SDK1: variants seen among roughly 807,000 people sequenced by gnomAD.
The protein encoded by SDK1 is protein sidekick-1.
A neutral mutation model predicts 245.5 loss-of-function variants in SDK1; 157 were observed. The observed-to-expected ratio is 0.64, with a 90% CI of 0.56 to 0.73. The LOEUF is 0.73. SDK1 is among the 30% of genes least tolerant of loss of function. The pLI is 0.00. For missense variants in SDK1, 3,583 were observed against 3,002.3 expected (o/e 1.19, Z -4.52); for synonymous variants, 1,647 against 1,278.5 (o/e 1.29, Z -6.15).
chr7:3,385,239 G>C (rs1781581300), intron 1 of SDK1, among the ~76,000 whole-genome samples: 1 of 152,018 alleles, frequency 6.6e-6, no homozygotes, highest in African/African-American at 2.4e-5. Context: ...TAAGACTGTT[G>C]AAATATCTAT....
intron 5 of SDK1, among the ~76,000 whole-genome samples, chr7:3,861,925 C>T (rs1051860796): frequency 4.6e-5 from 7 of 152,104 alleles, no homozygotes; most frequent in African/African-American, 1.4e-4. Context: ...TGTGGCACTC[C>T]GGAGCTCCTA....
intron 3 of SDK1, among the ~76,000 whole-genome samples, chr7:3,640,525 A>T (rs1425473065): frequency 1.3e-5 from 2 of 152,234 alleles, no homozygotes; most frequent in Non-Finnish European, 1.5e-5. Context: ...GAGAACTTTT[A>T]TTCAATTGAA....
chr7:3,937,172 G>A (rs1583588970), intron 5 of SDK1, among the ~76,000 whole-genome samples: 1 of 152,120 alleles, frequency 6.6e-6, no homozygotes, highest in Non-Finnish European at 1.5e-5. Context: ...CCATGCGGAG[G>A]TCTACCCAGG....
At chr7:4,130,824 C>T (rs1465736384) in intron 27 of SDK1, among the ~76,000 whole-genome samples, 8 of 152,146 alleles carry the variant, frequency 5.3e-5, no homozygotes, top group Non-Finnish European at 1.0e-4. Flanking sequence ...ATGCGGATCT[C>T]TCCCGCCACA....
intron 12 of SDK1, among the ~76,000 whole-genome samples, chr7:3,973,416 G>T (rs150441637): frequency 2.0e-5 from 3 of 152,250 alleles, no homozygotes; most frequent in African/African-American, 7.2e-5. Flanking sequence ...CCCTGCCCGT[G>T]GTCATCTAAA....
chr7:3,389,513 A>C (rs1466875839), intron 1 of SDK1, among the ~76,000 whole-genome samples: 1 of 152,194 alleles, frequency 6.6e-6, no homozygotes, highest in Non-Finnish European at 1.5e-5. Context: ...CTTTAGACTC[A>C]TATTTTGGAC....
Position 3,663,138 on chromosome 7 carries a change from A to G in SDK1, c.713+21033A>G, listed in dbSNP as rs536934213. 4.0e-4 allele frequency among the ~76,000 whole-genome samples: 61 copies of G among 152,322 alleles called. 1 individual carries two copies. Among genetic ancestry groups the G allele is most frequent in the African/African-American group, 1.3e-3 (56 of 41,578 alleles). ...TATTTGAAAACAAAATCTGTTTTCA[A>G]TGGTAAGCAGAAAAATTGTTGAAAC... On this transcript the variant is annotated intron_variant, in intron 4 of 44. Transcript: ENST00000404826.
rs569175469 is a variant in SDK1, at chr7:3,544,612, G to A, written c.299-74468G>A. ...TAACATCTACAAGTTCAACATGAAC[G>A]TCGACAGCTCATTTAGTCTTCATAA... On this transcript the variant is annotated intron_variant, in intron 1 of 44. Coordinates refer to ENST00000404826, the MANE Select transcript of SDK1 (RefSeq NM_152744.4). Among the ~76,000 whole-genome samples, 6 of 152,324 alleles carry A rather than the reference G, an allele frequency of 3.9e-5. No individual in the cohort carries two copies. The East Asian group carries it at 9.6e-4, about 24-fold the overall frequency.
At chr7:3,764,782 A>C (rs1439666349) in intron 4 of SDK1, among the ~76,000 whole-genome samples, 1 of 152,224 alleles carries the variant, frequency 6.6e-6, no homozygotes, top group Non-Finnish European at 1.5e-5. Context: ...ACATAAAAGT[A>C]ATTCATAATG....
At chr7:3,587,920 C>T (rs1780743639) in intron 1 of SDK1, among the ~76,000 whole-genome samples, 1 of 152,194 alleles carries the variant, frequency 6.6e-6, no homozygotes, top group South Asian at 2.1e-4. Flanking sequence ...ACTAAATGTT[C>T]AGTAAACATG....
At chr7:3,828,146 T>G (rs924943099) in intron 5 of SDK1, among the ~76,000 whole-genome samples, 7 of 151,988 alleles carry the variant, frequency 4.6e-5, no homozygotes, top group African/African-American at 1.7e-4. Context: ...GGTGTGCTGG[T>G]GGGCTCCTGT....
intron 5 of SDK1, among the ~76,000 whole-genome samples, chr7:3,899,691 G>A (rs767972325): frequency 1.3e-5 from 2 of 152,204 alleles, no homozygotes; most frequent in Non-Finnish European, 2.9e-5. Flanking sequence ...ACGCAGCCCC[G>A]TGGAAGCACC....
chr7:3,307,436 T>C (rs1583662396), intron 1 of SDK1, among the ~76,000 whole-genome samples: 1 of 152,322 alleles, frequency 6.6e-6, no homozygotes, highest in African/African-American at 2.4e-5. Flanking sequence ...ATCCTATACC[T>C]GAGATCTGTT....
chr7:3,860,940 G>A (rs1044407315), intron 5 of SDK1, among the ~76,000 whole-genome samples: 3 of 152,094 alleles, frequency 2.0e-5, no homozygotes, highest in Admixed American at 6.5e-5. Flanking sequence ...AACAAAGGCC[G>A]AATGAAGCTC....
At position 4,173,541 on chromosome 7, in the gene SDK1, C is replaced by T. The variant is rs374229511; in HGVS notation, c.4801-681C>T. 2.0e-5 allele frequency among the ~76,000 whole-genome samples: 3 copies of T among 152,338 alleles called. No individual in the cohort carries two copies. The East Asian group carries it at 5.8e-4, about 29-fold the overall frequency. On this transcript the variant is annotated intron_variant, in intron 32 of 44. Transcript: ENST00000404826. ...TCCTTATCTGCCTGTGCTCCCTATTCCATGGGAGTCTAATGTGTGTCTAAT... is the reference window on the plus strand; with the variant it reads ...TCCTTATCTGCCTGTGCTCCCTATTTCATGGGAGTCTAATGTGTGTCTAAT...
At chr7:3,990,696 A>C (rs1386799602) in intron 14 of SDK1, among the ~76,000 whole-genome samples, 1 of 152,136 alleles carries the variant, frequency 6.6e-6, no homozygotes, top group Non-Finnish European at 1.5e-5. Flanking sequence ...CATTCCCTGC[A>C]CTTAGTACGT....
chr7:3,978,596 G>T (rs1210030214), intron 13 of SDK1, among the ~76,000 whole-genome samples: 1 of 152,062 alleles, frequency 6.6e-6, no homozygotes, highest in Non-Finnish European at 1.5e-5. Flanking sequence ...TCCTTCATGG[G>T]GTGTCTTTAG....
intron 14 of SDK1, among the ~76,000 whole-genome samples, chr7:4,004,427 T>C (rs1166500073): frequency 6.6e-6 from 1 of 152,216 alleles, no homozygotes; most frequent in East Asian, 1.9e-4. Flanking sequence ...CTTATTTTAA[T>C]GAAAGCATGC....
chr7:3,353,177 T>G (rs1340031730), intron 1 of SDK1, among the ~76,000 whole-genome samples: 1 of 146,592 alleles, frequency 6.8e-6, no homozygotes. Flanking sequence ...AGGTAAGTGG[T>G]GTAAGTAATG....
Sources: allele counts gnomAD v4.1 joint callset (sites outside exome capture counted in the v4.1 genomes callset), GRCh38; gene constraint gnomAD v4.1.1; transcripts MANE v1.5; gene names NCBI Gene and HGNC (gene_info 2026-07-23, HGNC 2026-07-21).